PARP6: variants seen among roughly 807,000 people sequenced by gnomAD.
The protein encoded by PARP6 is poly(ADP-ribose) polymerase family member 6, also known as protein mono-ADP-ribosyltransferase PARP6.
In PARP6, 27 loss-of-function variants were observed where a neutral mutation model predicts 92.0. That is an observed-to-expected ratio of 0.29 (90% CI 0.22 to 0.40). PARP6 has a LOEUF of 0.40. Among genes scored for constraint, PARP6 ranks in the 10% least tolerant of loss-of-function variants. The pLI, the probability that PARP6 is intolerant of heterozygous loss-of-function variation, is 1.00. For missense variants in PARP6, 501 were observed against 784.5 expected (o/e 0.64, Z 4.32); for synonymous variants, 272 against 281.2 (o/e 0.97, Z 0.33).
At chr15:72,246,841 G>A (rs922267578) in intron 20 of PARP6, among the ~76,000 whole-genome samples, 2 of 151,210 alleles carry the variant, frequency 1.3e-5, no homozygotes, top group African/African-American at 2.4e-5. Flanking sequence ...TGCAACCTCC[G>A]CCTCCCAGAT....
At chr15:72,265,559 G>T in intron 5 of PARP6, 86 bp from the exon 6 acceptor site, 1 of 1,040,442 alleles carries the variant, frequency 9.6e-7, no homozygotes, top group Non-Finnish European at 1.5e-6. Flanking sequence ...AACTGAGCCT[G>T]GGGACAGGGG....
At chr15:72,257,013 G>GATT (rs973798800) in intron 13 of PARP6, among the ~76,000 whole-genome samples, 1 of 152,116 alleles carries the variant, frequency 6.6e-6, no homozygotes, top group Non-Finnish European at 1.5e-5. Context: ...AAAGTACTGG[G>GATT]ATTACAGGTG....
chr15:72,254,209 GAACAACTTGTAAAGGAATT>G (rs2084751559), intron 15 of PARP6: 1 of 555,488 alleles, frequency 1.8e-6, no homozygotes, highest in African/African-American at 1.9e-5. Flanking sequence ...CATTAAATAT[GAACAACTTGTAAAGGAATT>G]AACAGCAAAG....
At chr15:72,257,984 AGGAGT>A (rs2085347160) in intron 12 of PARP6, 48 bp downstream of exon 12, 1 of 1,183,996 alleles carries the variant, frequency 8.4e-7, no homozygotes, top group African/African-American at 1.5e-5. Context: ...AATAAAGGAG[AGGAGT>A]GAAGGGGACC....
chr15:72,251,212 T>G lies in PARP6; in HGVS notation c.1303A>C (p.Ser435Arg). 2 of 1,591,690 alleles carry G rather than the reference T, an allele frequency of 1.3e-6. No homozygotes were observed. Among genetic ancestry groups the G allele is most frequent in the Non-Finnish European group, 1.7e-6 (2 of 1,159,556 alleles). ...GAGGGAGAATGGTCACTTACCCTGC[T>G]GAGAGGTAGTTTGACAATGTGTGAC... ...NRSHIVKLPL[S>R]RLKFMHTSHQ... Residue 435 changes from serine (S) to arginine (R), a missense_variant, in exon 17 of 24, where the codon AGC (serine) becomes CGC (arginine). This residue lies in a region of PARP6 where 191 missense variants were observed against 399.1 expected (regional missense o/e 0.48). Coordinates refer to ENST00000569795, the MANE Select transcript of PARP6 (RefSeq NM_001323532.2).
At position 72,260,707 on chromosome 15, in the gene PARP6, G is replaced by A; in HGVS notation, c.546-19C>T. The stretch of plus-strand genomic sequence containing the variant: ...GGGAGACCTGCAGAGAGAGAGCAAA[G>A]AGAAGTGATAAAACTGGGGATTTCA... On this transcript the variant is annotated intron_variant, in intron 9 of 23. Transcript: ENST00000569795. 1 of 1,584,398 alleles carries A rather than the reference G, an allele frequency of 6.3e-7. No individual in the cohort carries two copies. The highest frequency in any genetic ancestry group is 1.1e-5 in the South Asian group (1 of 90,508).
chr15:72,271,349 CAG>C (rs1416457706), intron 1 of PARP6, 62 bp from the exon 2 acceptor site: 1 of 152,110 alleles, frequency 6.6e-6, no homozygotes, highest in African/African-American at 2.4e-5. Context: ...AGAGACAGTT[CAG>C]AGATTACCGG....
intron 8 of PARP6, among the ~76,000 whole-genome samples, chr15:72,263,525 G>C (rs991960260): frequency 1.3e-5 from 2 of 152,034 alleles, no homozygotes; most frequent in African/African-American, 4.8e-5. Flanking sequence ...CTGCCTAAAG[G>C]ATAAAAGTCC....
At position 72,267,626 on chromosome 15, in the gene PARP6, T is replaced by C. The variant is rs1016346935; in HGVS notation, c.-149A>G. ...GATGTCAGGGACAACTGGTGATCTG[T>C]TGGGGATGGCAGGCTCTGCTGTTGC... On this transcript the variant is annotated 5_prime_UTR_variant, in exon 3 of 24. Coordinates refer to ENST00000569795, the MANE Select transcript of PARP6 (RefSeq NM_001323532.2). 1.2e-5 allele frequency: 9 copies of C among 779,674 alleles called. No homozygotes were observed. Among genetic ancestry groups the C allele is most frequent in the African/African-American group, 1.0e-4 (6 of 58,526 alleles). The allele number at this position is 779,674 out of a possible 1,614,324, so 48.3% of individuals were successfully genotyped here. A position where few individuals can be genotyped will look rare whatever the true frequency, so the allele number is the denominator to read the frequency against.
chr15:72,257,983 G>C, intron 12 of PARP6, 54 bp downstream of exon 12: 1 of 1,181,874 alleles, frequency 8.5e-7, no homozygotes, highest in East Asian at 2.3e-5. Context: ...AAATAAAGGA[G>C]AGGAGTGAAG....
In PARP6 at chr15:72,260,680, C is replaced by G; in HGVS notation, c.554G>C (p.Ser185Thr). 4 of 1,611,366 alleles carry G rather than the reference C, an allele frequency of 2.5e-6. No homozygotes were observed. Among genetic ancestry groups the G allele is most frequent in the Non-Finnish European group, 3.4e-6 (4 of 1,177,492 alleles). The change falls in exon 10 of 24, where the codon AGT becomes ACT. Residue 185 changes from serine (S) to threonine (T), a missense_variant. This residue lies in a region of PARP6 where 291 missense variants were observed against 352.0 expected (regional missense o/e 0.83). Transcript: ENST00000569795. ...CATGGAGTCCTGTATGATAGGGAAA[C>G]TGGGAGACCTGCAGAGAGAGAGCAA... ...SIFSPIPKSP[S>T]FPIIQDSMLK...
intron 9 of PARP6, 94 bp downstream of exon 9, chr15:72,261,464 A>G: frequency 2.7e-6 from 3 of 1,119,848 alleles, no homozygotes; most frequent in Non-Finnish European, 4.0e-6. Flanking sequence ...GAATTCAGGG[A>G]AGAGAGGGGA....
chr15:72,241,212 T>G lies in PARP6; in HGVS notation c.*243A>C. The G allele has an allele frequency of 1.6e-6, 1 of 629,150 alleles. No homozygotes were observed. The highest frequency in any genetic ancestry group is 3.0e-6 in the Non-Finnish European group (1 of 338,250). The allele number at this position is 629,150 out of a possible 1,614,324, so 39.0% of individuals were successfully genotyped here. A position where few individuals can be genotyped will look rare whatever the true frequency, so the allele number is the denominator to read the frequency against. On this transcript the variant is annotated 3_prime_UTR_variant, in exon 24 of 24. Coordinates refer to ENST00000569795, the MANE Select transcript of PARP6 (RefSeq NM_001323532.2). This position sits in a 1 kb window ranked among gnomAD's most constrained non-coding sequence, Gnocchi z 4.1. Reference sequence around the variant, plus strand: ...CCACAGCACCTTCCATTTTATTGTTTTATTTACAAACAGGGTGAAGTCAAA... The same window carrying G: ...CCACAGCACCTTCCATTTTATTGTTGTATTTACAAACAGGGTGAAGTCAAA...
chr15:72,260,409 A>C lies in PARP6; in HGVS notation c.756+69T>G, dbSNP rs2085706005. On this transcript the variant is annotated intron_variant, in intron 10 of 23. Coordinates refer to ENST00000569795, the MANE Select transcript of PARP6 (RefSeq NM_001323532.2). Reference sequence around the variant, plus strand: ...AACCATATCCCCACCCCATTTTGAGAAACTACACTCCCACAGTTCCACTCC... The same window carrying C: ...AACCATATCCCCACCCCATTTTGAGCAACTACACTCCCACAGTTCCACTCC... 6 of 1,302,894 alleles carry C rather than the reference A, an allele frequency of 4.6e-6. No homozygotes were observed. In the South Asian group the frequency reaches 7.6e-5, roughly 17 times the overall value. 80.7% of individuals were successfully genotyped at this position (1,302,894 alleles called of 1,614,324 possible).
chr15:72,247,333 C>T (rs1157999709), intron 20 of PARP6, among the ~76,000 whole-genome samples: 9 of 151,916 alleles, frequency 5.9e-5, no homozygotes, highest in Non-Finnish European at 1.3e-4. Context: ...CACTGCCAGA[C>T]CTGGTTATTT....
In PARP6 at chr15:72,251,117, G is replaced by A. The variant is rs2140952127; in HGVS notation, c.1308+90C>T. The A allele has an allele frequency of 3.0e-6, 3 of 1,014,218 alleles. No homozygotes were observed. The South Asian group carries it at 3.8e-5, about 13-fold the overall frequency. The allele number at this position is 1,014,218 out of a possible 1,614,324, so 62.8% of individuals were successfully genotyped here. A position where few individuals can be genotyped will look rare whatever the true frequency, so the allele number is the denominator to read the frequency against. On this transcript the variant is annotated intron_variant, in intron 17 of 23. Coordinates refer to ENST00000569795, the MANE Select transcript of PARP6 (RefSeq NM_001323532.2). The stretch of plus-strand genomic sequence containing the variant: ...GTTGATGGACAGAGCAATGTAGGCA[G>A]ATCTAGGACCAATATGGTTAGCTGG...
rs368128943 is a variant in PARP6 at position 72,257,478 on chromosome 15, G to A, written c.907-38C>T. 32 of 1,536,604 alleles carry A rather than the reference G, an allele frequency of 2.1e-5. 1 individual carries two copies. The highest frequency in any genetic ancestry group is 2.8e-5 in the Non-Finnish European group (31 of 1,109,682). Reference sequence around the variant, plus strand: ...ATTAAACAGATGGTGGTGGGATGGGGTGTGCAATAAGGTGTAGGCAGAGAG... The same window carrying A: ...ATTAAACAGATGGTGGTGGGATGGGATGTGCAATAAGGTGTAGGCAGAGAG... On this transcript the variant is annotated intron_variant, in intron 12 of 23. Transcript: ENST00000569795.
chr15:72,248,655 C>T (rs2083930420), intron 20 of PARP6, among the ~76,000 whole-genome samples: 1 of 152,096 alleles, frequency 6.6e-6, no homozygotes, highest in Admixed American at 6.5e-5. Flanking sequence ...AGACATAAGC[C>T]AGGAAGACTG....
intron 12 of PARP6, 28 bp downstream of exon 12, chr15:72,258,008 GA>G: frequency 6.7e-7 from 1 of 1,487,566 alleles, no homozygotes; most frequent in Non-Finnish European, 9.4e-7. Context: ...CCTGGTTAAG[GA>G]AGAGGGTCAT....
Sources: allele counts gnomAD v4.1 joint callset (sites outside exome capture counted in the v4.1 genomes callset), GRCh38; gene constraint gnomAD v4.1.1; regional missense constraint gnomAD v4.1.1; non-coding constraint Gnocchi (gnomAD v3.1); transcripts MANE v1.5; gene names NCBI Gene and HGNC (gene_info 2026-07-23, HGNC 2026-07-21).